CNTNAP5: variants seen among roughly 807,000 people sequenced by gnomAD.
CNTNAP5 encodes contactin-associated protein-like 5.
Under a neutral mutation model 150.2 loss-of-function variants are expected in CNTNAP5, and 72 were observed. The ratio of observed to expected loss-of-function variants is 0.48; its 90% CI spans 0.40 to 0.58. CNTNAP5 has a LOEUF of 0.58. CNTNAP5 is among the 20% of genes least tolerant of loss of function. CNTNAP5 has a pLI of 0.00. For missense variants in CNTNAP5, 1,636 were observed against 1,626.2 expected, an observed-to-expected ratio of 1.01 and a Z score of -0.10; for synonymous variants, 672 against 619.8, an observed-to-expected ratio of 1.08 and a Z score of -1.25.
intron 1 of CNTNAP5, among the ~76,000 whole-genome samples, chr2:124,044,237 A>G (rs1350528962): frequency 2.0e-5 from 3 of 152,172 alleles, no homozygotes; most frequent in Non-Finnish European, 4.4e-5. Flanking sequence ...ATGACCCTAT[A>G]TGGTTAATAC....
intron 21 of CNTNAP5, among the ~76,000 whole-genome samples, chr2:124,902,289 A>G (rs1240278374): frequency 1.3e-5 from 2 of 152,178 alleles, no homozygotes; most frequent in African/African-American, 2.4e-5. Context: ...CTGTCATAAA[A>G]AACCCATGCA....
intron 14 of CNTNAP5, among the ~76,000 whole-genome samples, chr2:124,761,539 T>C (rs1680955737): frequency 6.6e-6 from 1 of 152,148 alleles, no homozygotes; most frequent in Non-Finnish European, 1.5e-5. Context: ...TAATTTCCTG[T>C]TGCTAGTGAG....
intron 16 of CNTNAP5, among the ~76,000 whole-genome samples, chr2:124,767,831 C>A (rs140609037): frequency 1.3e-3 from 195 of 152,264 alleles, no homozygotes; most frequent in African/African-American, 4.6e-3. Context: ...TGATGGTTTT[C>A]TCTCTCTGTT....
intron 16 of CNTNAP5, among the ~76,000 whole-genome samples, chr2:124,770,313 G>A (rs909450765): frequency 6.6e-6 from 1 of 152,082 alleles, no homozygotes; most frequent in African/African-American, 2.4e-5. Flanking sequence ...TATACAGCAG[G>A]GGGCTGCAGT....
chr2:124,348,335 C>G (rs1480168906), intron 3 of CNTNAP5, among the ~76,000 whole-genome samples: 1 of 152,008 alleles, frequency 6.6e-6, no homozygotes, highest in African/African-American at 2.4e-5. Context: ...CTTAATTGCT[C>G]TGGCTTAAAC....
chr2:124,656,913 T>G (rs548439092), intron 13 of CNTNAP5, among the ~76,000 whole-genome samples: 1 of 152,346 alleles, frequency 6.6e-6, no homozygotes, highest in Admixed American at 6.5e-5. Context: ...CTGTTTTCTC[T>G]TCCTTTATTA....
intron 8 of CNTNAP5, among the ~76,000 whole-genome samples, chr2:124,521,490 C>T (rs186392840): frequency 1.3e-5 from 2 of 152,294 alleles, no homozygotes; most frequent in Non-Finnish European, 2.9e-5. Context: ...CCCACAATCA[C>T]AACAGATGAT....
At chr2:124,340,222 A>C (rs1435249469) in intron 3 of CNTNAP5, among the ~76,000 whole-genome samples, 1 of 152,224 alleles carries the variant, frequency 6.6e-6, no homozygotes, top group African/African-American at 2.4e-5. Flanking sequence ...AGCTTGGCCT[A>C]TGCCAGGAAT....
intron 21 of CNTNAP5, among the ~76,000 whole-genome samples, chr2:124,886,385 C>T (rs1678080506): frequency 6.6e-6 from 1 of 152,064 alleles, no homozygotes; most frequent in Non-Finnish European, 1.5e-5. Flanking sequence ...TGCCTTACAT[C>T]TCTTGGTTGC....
At chr2:124,725,170 T>A (rs1357750359) in intron 13 of CNTNAP5, among the ~76,000 whole-genome samples, 1 of 152,060 alleles carries the variant, frequency 6.6e-6, no homozygotes, top group African/African-American at 2.4e-5. Flanking sequence ...AAGAAATGTG[T>A]GATGATGATT....
In CNTNAP5 at chr2:124,388,374, C is replaced by G. The variant is rs77163960; in HGVS notation, c.382-29069C>G. Among the ~76,000 whole-genome samples, 516 of 152,290 alleles carry G rather than the reference C, an allele frequency of 3.4e-3. 3 individuals carry two copies. The highest frequency in any genetic ancestry group is 0.011 in the African/African-American group (477 of 41,564). Reference sequence around the variant, plus strand: ...GTTGCAAAGCACTGCTGATGCCACTCCAGAAAGGCAAGCATGCGGTTCTGC... The same window carrying G: ...GTTGCAAAGCACTGCTGATGCCACTGCAGAAAGGCAAGCATGCGGTTCTGC... On this transcript the variant is annotated intron_variant, in intron 3 of 23. Transcript: ENST00000682447.
chr2:124,599,374 T>C (rs1313368184), intron 11 of CNTNAP5, among the ~76,000 whole-genome samples: 1 of 152,138 alleles, frequency 6.6e-6, no homozygotes, highest in Non-Finnish European at 1.5e-5. Context: ...TTAGATAAAT[T>C]ATTAAATATT....
intron 13 of CNTNAP5, among the ~76,000 whole-genome samples, chr2:124,679,902 A>G (rs1679026815): frequency 6.6e-6 from 1 of 151,776 alleles, no homozygotes; most frequent in Non-Finnish European, 1.5e-5. Context: ...TCAAAGCAAA[A>G]TGCATTTCTT....
rs1415448219 is a variant in CNTNAP5 at position 124,609,786 on chromosome 2, C to G, written c.1757-15C>G. 2.5e-6 allele frequency: 4 copies of G among 1,612,648 alleles called. No individual in the cohort carries two copies. The highest frequency in any genetic ancestry group is 2.2e-5 in the East Asian group (1 of 44,846). ...GCCAAGCAAAGTTTTATCTCTGCTGCCTTTGTCTTTCCAGCCATCTACGAG... is the reference window on the plus strand; with the variant it reads ...GCCAAGCAAAGTTTTATCTCTGCTGGCTTTGTCTTTCCAGCCATCTACGAG... On this transcript the variant is annotated splice_polypyrimidine_tract_variant and intron_variant, in intron 11 of 23. Coordinates refer to ENST00000682447, the MANE Select transcript of CNTNAP5 (RefSeq NM_001367498.1).
chr2:124,620,712 G>A lies in CNTNAP5; in HGVS notation c.1876+10792G>A, dbSNP rs182938616. Among the ~76,000 whole-genome samples the A allele has an allele frequency of 6.7e-5, 10 of 149,182 alleles. No homozygotes were observed. The East Asian group carries it at 7.9e-4, about 12-fold the overall frequency. On this transcript the variant is annotated intron_variant, in intron 12 of 23. Transcript: ENST00000682447. ...GTGACATGTAAGATTGTGAGAATTA[G>A]CATATATATATATGCTACACACACA...
intron 3 of CNTNAP5, among the ~76,000 whole-genome samples, chr2:124,286,828 C>T (rs1004880509): frequency 7.9e-5 from 12 of 152,132 alleles, no homozygotes; most frequent in Admixed American, 3.9e-4. Context: ...CAGCAGCTCC[C>T]GTTAATCATT....
chr2:124,320,291 G>A (rs1250910153), intron 3 of CNTNAP5, among the ~76,000 whole-genome samples: 2 of 152,174 alleles, frequency 1.3e-5, no homozygotes, highest in Admixed American at 6.5e-5. Flanking sequence ...ATTTTCTCCA[G>A]CAATGTATGA....
At chr2:124,796,423 A>C (rs1681847673) in intron 18 of CNTNAP5, among the ~76,000 whole-genome samples, 1 of 152,182 alleles carries the variant, frequency 6.6e-6, no homozygotes, top group Admixed American at 6.5e-5. Flanking sequence ...ACTCAAGGAA[A>C]ATTCTTGAAT....
At chr2:124,052,922 A>G (rs956671264) in intron 1 of CNTNAP5, among the ~76,000 whole-genome samples, 3 of 151,802 alleles carry the variant, frequency 2.0e-5, no homozygotes, top group Admixed American at 1.3e-4. Context: ...CCCAGTATCA[A>G]CCCCTCCTTG....
Sources: gnomAD v4.1 joint callset for allele counts (sites outside exome capture counted in the v4.1 genomes callset) on GRCh38, gnomAD v4.1.1 for gene constraint, MANE v1.5 for transcripts, NCBI Gene and HGNC (gene_info 2026-07-23, HGNC 2026-07-21) for gene names.